Variants in AP4S1 observed in about 807,000 individuals in gnomAD.
AP4S1 encodes adaptor related protein complex 4 subunit sigma 1, also known as AP-4 complex subunit sigma-1.
A neutral mutation model predicts 19.8 loss-of-function variants in AP4S1; 23 were observed. The observed-to-expected ratio is 1.16, with a 90% CI of 0.84 to 1.65. AP4S1 has a LOEUF of 1.65. AP4S1 is among the 40% of genes most tolerant of loss of function. The pLI, the probability that AP4S1 is intolerant of heterozygous loss-of-function variation, is 0.00. For synonymous variants in AP4S1, 46 were observed against 54.1 expected, an observed-to-expected ratio of 0.85 and a Z score of 0.66; for missense variants, 166 against 172.8, an observed-to-expected ratio of 0.96 and a Z score of 0.22.
intron 1 of AP4S1, among the ~76,000 whole-genome samples, chr14:31,052,729 A>AG (rs1491110341): frequency 5.0e-4 from 65 of 131,170 alleles, no homozygotes; most frequent in Middle Eastern, 7.7e-3. Context: ...ACTCCCTCTC[A>AG]AAAAAAAAAA....
intron 1 of AP4S1, among the ~76,000 whole-genome samples, chr14:31,062,975 A>G (rs564629117): frequency 1.1e-3 from 164 of 151,812 alleles, no homozygotes; most frequent in African/African-American, 3.8e-3. Context: ...TTTCCAAAAA[A>G]AAAAAAAATC....
At chr14:31,052,928 T>G in intron 1 of AP4S1, among the ~76,000 whole-genome samples, 1 of 144,170 alleles carries the variant, frequency 6.9e-6, no homozygotes, top group East Asian at 2.0e-4. Flanking sequence ...GAAGTCAGTG[T>G]GCTAAATTTT....
intron 1 of AP4S1, among the ~76,000 whole-genome samples, chr14:31,038,439 C>A (rs746517368): frequency 1.3e-5 from 2 of 152,148 alleles, no homozygotes; most frequent in South Asian, 4.1e-4. Context: ...GGGTCAAGAT[C>A]TAAGCTAGCA....
At chr14:31,091,438 C>G (rs1245600654) in intron 5 of AP4S1, among the ~76,000 whole-genome samples, 2 of 151,958 alleles carry the variant, frequency 1.3e-5, no homozygotes, top group South Asian at 2.1e-4. Flanking sequence ...AGTCAAGGGC[C>G]TAACATTCCA....
Position 31,056,766 on chromosome 14 carries a change from G to A in AP4S1, c.-71-9360G>A, listed in dbSNP as rs112002440. 6.6e-5 allele frequency among the ~76,000 whole-genome samples: 10 copies of A among 152,338 alleles called. 1 individual carries two copies. Among genetic ancestry groups the A allele is most frequent in the African/African-American group, 2.2e-4 (9 of 41,584 alleles). On this transcript the variant is annotated intron_variant, in intron 1 of 5. Coordinates refer to ENST00000542754, the MANE Select transcript of AP4S1 (RefSeq NM_001128126.3). ...TGGATCACTTCCAAAGCTACCTGAAGTTAATGCTCATTAAGCTCAAGTGAA... is the reference window on the plus strand; with the variant it reads ...TGGATCACTTCCAAAGCTACCTGAAATTAATGCTCATTAAGCTCAAGTGAA...
At chr14:31,075,431 G>A (rs745513510) in intron 4 of AP4S1, among the ~76,000 whole-genome samples, 27 of 151,986 alleles carry the variant, frequency 1.8e-4, no homozygotes, top group Non-Finnish European at 3.2e-4. Flanking sequence ...TTCATCTATT[G>A]GTGGGTGCTT....
At chr14:31,087,759 C>G (rs545039288) in intron 5 of AP4S1, among the ~76,000 whole-genome samples, 51 of 152,154 alleles carry the variant, frequency 3.4e-4, no homozygotes, top group African/African-American at 1.0e-3. Context: ...GTTGTCGAAG[C>G]TTTTTTGTGA....
intron 1 of AP4S1, among the ~76,000 whole-genome samples, chr14:31,036,186 A>G (rs898396868): frequency 2.8e-5 from 4 of 144,072 alleles, no homozygotes; most frequent in African/African-American, 1.1e-4. Context: ...CAAAAAAGAA[A>G]AAAATAATAA....
At position 31,075,322 on chromosome 14, in the gene AP4S1, C is replaced by G. The variant is rs556967915; in HGVS notation, c.294+2349C>G. On this transcript the variant is annotated intron_variant, in intron 4 of 5. Coordinates refer to ENST00000542754, the MANE Select transcript of AP4S1 (RefSeq NM_001128126.3). The stretch of plus-strand genomic sequence containing the variant: ...GGCTTATTTCACTGAACATAATGAC[C>G]TTCAGTTCCATACATGTTTCTGCAA... Among the ~76,000 whole-genome samples, 274 of 152,260 alleles carry G rather than the reference C, an allele frequency of 1.8e-3. 3 individuals are homozygous for G. Among genetic ancestry groups the G allele is most frequent in the African/African-American group, 6.5e-3 (269 of 41,554 alleles).
At chr14:31,069,499 G>A (rs879365201) in intron 2 of AP4S1, among the ~76,000 whole-genome samples, 2 of 152,116 alleles carry the variant, frequency 1.3e-5, no homozygotes, top group Non-Finnish European at 2.9e-5. Context: ...AATCTTTATC[G>A]TGTTTGCTTA....
chr14:31,054,654 A>T (rs1433968306), intron 1 of AP4S1, among the ~76,000 whole-genome samples: 1 of 151,904 alleles, frequency 6.6e-6, no homozygotes, highest in Non-Finnish European at 1.5e-5. Context: ...GCGCCACTGC[A>T]CTCTGGCCTG....
At chr14:31,088,765 A>ACCACTGCT (rs1887990368) in intron 5 of AP4S1, among the ~76,000 whole-genome samples, 2 of 139,168 alleles carry the variant, frequency 1.4e-5, no homozygotes. Context: ...CCAAGATTGC[A>ACCACTGCT]CCACTGCTCT....
chr14:31,042,482 C>G (rs912528467), intron 1 of AP4S1, among the ~76,000 whole-genome samples: 7 of 152,178 alleles, frequency 4.6e-5, no homozygotes, highest in African/African-American at 1.7e-4. Flanking sequence ...CAGTTTCTCT[C>G]TGGCAAATGC....
chr14:31,072,232 C>G (rs1245082479), intron 3 of AP4S1, among the ~76,000 whole-genome samples: 1 of 152,004 alleles, frequency 6.6e-6, no homozygotes, highest in African/African-American at 2.4e-5. Flanking sequence ...TGAGCCATTA[C>G]GCCAAGCCTA....
intron 5 of AP4S1, among the ~76,000 whole-genome samples, chr14:31,080,899 A>C (rs927623282): frequency 6.6e-6 from 1 of 152,036 alleles, no homozygotes; most frequent in Non-Finnish European, 1.5e-5. Context: ...TTTGGGTTCA[A>C]GTATTCTCCT....
At chr14:31,064,704 C>T (rs933721084) in intron 1 of AP4S1, among the ~76,000 whole-genome samples, 1 of 152,172 alleles carries the variant, frequency 6.6e-6, no homozygotes, top group Non-Finnish European at 1.5e-5. Context: ...CGCCCGTAAT[C>T]CCAACACTTT....
intron 5 of AP4S1, among the ~76,000 whole-genome samples, chr14:31,084,604 T>C (rs1887828123): frequency 6.6e-6 from 1 of 152,228 alleles, no homozygotes. Context: ...ATTCACGTGC[T>C]ATGAATACAC....
At chr14:31,026,552 A>T (rs1883970085) in intron 1 of AP4S1, 1 of 191,516 alleles carries the variant, frequency 5.2e-6, no homozygotes, top group Non-Finnish European at 1.1e-5. Flanking sequence ...ACGCCGGCGC[A>T]CTGAGAACGC....
At chr14:31,068,131 G>T (rs888977726) in intron 2 of AP4S1, among the ~76,000 whole-genome samples, 3 of 152,092 alleles carry the variant, frequency 2.0e-5, no homozygotes, top group Non-Finnish European at 4.4e-5. Flanking sequence ...GCCTCCTAAA[G>T]TGCTGGGATT....
Sources: allele counts gnomAD v4.1 joint callset (sites outside exome capture counted in the v4.1 genomes callset), GRCh38; gene constraint gnomAD v4.1.1; transcripts MANE v1.5; gene names NCBI Gene and HGNC (gene_info 2026-07-23, HGNC 2026-07-21).